Variants in SPAG16 observed in about 807,000 individuals in gnomAD.
SPAG16 encodes the protein sperm associated antigen 16.
SPAG16 carries 86 observed loss-of-function variants against 80.4 expected under a neutral mutation model. The observed-to-expected ratio is 1.07, with a 90% CI of 0.90 to 1.28. The LOEUF (loss-of-function observed/expected upper bound fraction) is 1.28, where lower values mean the gene tolerates loss of function less well. SPAG16 is among the 50% of genes most tolerant of loss of function. The pLI is 0.00. For missense variants in SPAG16, 870 were observed against 765.3 expected, an observed-to-expected ratio of 1.14 and a Z score of -1.61; for synonymous variants, 294 against 265.9, an observed-to-expected ratio of 1.11 and a Z score of -1.03.
At chr2:214,064,362 A>T (rs532071641) in intron 13 of SPAG16, among the ~76,000 whole-genome samples, 1 of 152,220 alleles carries the variant, frequency 6.6e-6, no homozygotes, top group African/African-American at 2.4e-5. Context: ...AAAAACTGGT[A>T]ATGTCATAAA....
In SPAG16 at chr2:213,954,488, A is replaced by G. The variant is rs965030455; in HGVS notation, c.1400+24343A>G. Among the ~76,000 whole-genome samples, 5 of 151,978 alleles carry G rather than the reference A, an allele frequency of 3.3e-5. No homozygotes were observed. In the East Asian group the frequency reaches 9.6e-4, roughly 29 times the overall value. On this transcript the variant is annotated intron_variant, in intron 12 of 15. Transcript: ENST00000331683. Reference sequence around the variant, plus strand: ...TTTATGTACAGGTTTTTGTTTGGACATATGTTTTCTCTTTTAATTTTTATT... The same window carrying G: ...TTTATGTACAGGTTTTTGTTTGGACGTATGTTTTCTCTTTTAATTTTTATT...
intron 6 of SPAG16, among the ~76,000 whole-genome samples, chr2:213,348,297 A>T (rs1347940869): frequency 7.2e-5 from 11 of 152,096 alleles, no homozygotes; most frequent in Non-Finnish European, 1.3e-4. Context: ...GGTTTCCTGA[A>T]TGCAACACAA....
intron 10 of SPAG16, among the ~76,000 whole-genome samples, chr2:213,548,708 CA>C (rs1211938837): frequency 6.6e-6 from 1 of 152,000 alleles, no homozygotes; most frequent in Non-Finnish European, 1.5e-5. Flanking sequence ...GTGGTTATTT[CA>C]GTTTCTATGA....
chr2:214,108,407 T>G, intron 14 of SPAG16, 146 bp downstream of exon 14: 1 of 568,142 alleles, frequency 1.8e-6, no homozygotes, highest in South Asian at 2.3e-5. Flanking sequence ...AGGAAAAGTC[T>G]ATAGGTATAT....
chr2:213,348,054 A>T (rs1306848579), intron 6 of SPAG16, among the ~76,000 whole-genome samples: 2 of 152,148 alleles, frequency 1.3e-5, no homozygotes, highest in African/African-American at 4.8e-5. Context: ...GACTTGCTTT[A>T]AGAATCTGGG....
intron 9 of SPAG16, among the ~76,000 whole-genome samples, chr2:213,451,289 T>C (rs2071672445): frequency 6.6e-6 from 1 of 152,220 alleles, no homozygotes; most frequent in Non-Finnish European, 1.5e-5. Flanking sequence ...TAGAAACAAG[T>C]ACGTTATCCT....
chr2:214,347,962 G>C (rs1394607920), intron 15 of SPAG16, among the ~76,000 whole-genome samples: 1 of 152,158 alleles, frequency 6.6e-6, no homozygotes, highest in Non-Finnish European at 1.5e-5. Context: ...CATTCTTAGA[G>C]GGGCAGTTCT....
At chr2:213,983,872 G>A (rs1309091683) in intron 12 of SPAG16, among the ~76,000 whole-genome samples, 1 of 151,958 alleles carries the variant, frequency 6.6e-6, no homozygotes, top group Non-Finnish European at 1.5e-5. Context: ...CCTAAGCATA[G>A]GGCATGATAG....
At chr2:213,764,615 C>T (rs931760067) in intron 10 of SPAG16, among the ~76,000 whole-genome samples, 6 of 152,002 alleles carry the variant, frequency 3.9e-5, no homozygotes, top group African/African-American at 1.4e-4. Flanking sequence ...ATTTTTCTGG[C>T]TGGCTTTTCT....
intron 11 of SPAG16, among the ~76,000 whole-genome samples, chr2:213,893,903 G>T (rs752231890): frequency 2.0e-5 from 3 of 152,094 alleles, no homozygotes; most frequent in Non-Finnish European, 4.4e-5. Context: ...CTTATTTACA[G>T]TAATAACACT....
chr2:213,554,831 A>G (rs997240904), intron 10 of SPAG16, among the ~76,000 whole-genome samples: 1 of 152,008 alleles, frequency 6.6e-6, no homozygotes, highest in African/African-American at 2.4e-5. Context: ...ATTAATGAAG[A>G]AAGCTTATGG....
intron 10 of SPAG16, among the ~76,000 whole-genome samples, chr2:213,629,130 C>T (rs754399908): frequency 6.6e-6 from 1 of 152,146 alleles, no homozygotes. Flanking sequence ...AAAACATCAA[C>T]GAAGTTAAAA....
intron 13 of SPAG16, among the ~76,000 whole-genome samples, chr2:214,074,142 T>C (rs1020766322): frequency 2.6e-5 from 4 of 152,108 alleles, no homozygotes; most frequent in African/African-American, 9.7e-5. Flanking sequence ...AGAAAACAGC[T>C]ATGTGTGATC....
At chr2:213,884,305 C>G (rs1430077541) in intron 11 of SPAG16, among the ~76,000 whole-genome samples, 1 of 152,118 alleles carries the variant, frequency 6.6e-6, no homozygotes, top group Non-Finnish European at 1.5e-5. Context: ...GTTGGAATGT[C>G]TTTCCTTTAA....
intron 9 of SPAG16, among the ~76,000 whole-genome samples, chr2:213,485,937 T>C (rs1320632913): frequency 6.6e-6 from 1 of 152,090 alleles, no homozygotes; most frequent in Non-Finnish European, 1.5e-5. Context: ...GAGGTACCCA[T>C]TGGGTCTTTG....
chr2:213,688,195 A>G (rs1415340301), intron 10 of SPAG16, among the ~76,000 whole-genome samples: 3 of 152,230 alleles, frequency 2.0e-5, no homozygotes, highest in South Asian at 2.1e-4. Context: ...ATCAACAGAA[A>G]GGAAATGTTC....
chr2:214,116,882 T>C (rs1272780218), intron 14 of SPAG16, among the ~76,000 whole-genome samples: 1 of 152,084 alleles, frequency 6.6e-6, no homozygotes, highest in Non-Finnish European at 1.5e-5. Context: ...CTCTGAAAAA[T>C]GATAGGCACA....
At chr2:213,562,020 G>A (rs1459137424) in intron 10 of SPAG16, among the ~76,000 whole-genome samples, 1 of 152,104 alleles carries the variant, frequency 6.6e-6, no homozygotes, top group Non-Finnish European at 1.5e-5. Context: ...ATCATTTAAA[G>A]GAAAATGCAT....
At chr2:213,311,674 C>G (rs1168269637) in intron 4 of SPAG16, among the ~76,000 whole-genome samples, 1 of 151,494 alleles carries the variant, frequency 6.6e-6, no homozygotes, top group Admixed American at 6.6e-5. Context: ...CCCTAGCTGC[C>G]AGTTTGCAAT....
Sources: allele counts gnomAD v4.1 joint callset (sites outside exome capture counted in the v4.1 genomes callset), GRCh38; gene constraint gnomAD v4.1.1; transcripts MANE v1.5; gene names NCBI Gene and HGNC (gene_info 2026-07-23, HGNC 2026-07-21).